The following PRDM11 variants were observed in gnomAD, a reference collection of about 807,000 sequenced individuals.
The protein encoded by PRDM11 is PR domain-containing protein 11.
Under a neutral mutation model 97.8 loss-of-function variants are expected in PRDM11, and 20 were observed. The observed-to-expected ratio is 0.20, with a 90% CI of 0.14 to 0.30. PRDM11 has a LOEUF of 0.30. Ranked by LOEUF, PRDM11 falls within the 10% of genes least tolerant of loss-of-function variation. The pLI, the probability that PRDM11 is intolerant of heterozygous loss-of-function variation, is 1.00. For missense variants in PRDM11, 1,139 were observed against 1,555.2 expected, an observed-to-expected ratio of 0.73 and a Z score of 4.50; for synonymous variants, 599 against 637.7, an observed-to-expected ratio of 0.94 and a Z score of 0.91.
chr11:45,103,915 T>C (rs1030558811), intron 1 of PRDM11, among the ~76,000 whole-genome samples: 2 of 152,064 alleles, frequency 1.3e-5, no homozygotes, highest in African/African-American at 4.8e-5. Context: ...TCAGGATGCA[T>C]TGAGGGCGAT....
At chr11:45,101,479 C>G (rs1364953597) in intron 1 of PRDM11, among the ~76,000 whole-genome samples, 1 of 151,208 alleles carries the variant, frequency 6.6e-6, no homozygotes, top group African/African-American at 2.4e-5. Context: ...TTGCTTGAAC[C>G]CAGGAGGCTG....
intron 5 of PRDM11, among the ~76,000 whole-genome samples, chr11:45,206,226 C>G (rs1853505015): frequency 6.6e-6 from 1 of 152,184 alleles, no homozygotes; most frequent in Non-Finnish European, 1.5e-5. Flanking sequence ...GCTGGCCCTT[C>G]CCGGGCTCAC....
Position 45,224,838 on chromosome 11 carries a change from C to G in PRDM11, c.1364C>G (p.Pro455Arg). 6.2e-7 allele frequency: 1 copy of G among 1,613,810 alleles called. No individual in the cohort carries two copies. Among genetic ancestry groups the G allele is most frequent in the Non-Finnish European group, 8.5e-7 (1 of 1,180,028 alleles). ...QVLELPEFSD[P>R]AASESMVSGP... ...CTGGAGCTCCCAGAGTTCTCGGACC[C>G]TGCAGGTAAGTTGGTTTGGATGAGA... is the stretch of plus-strand genomic sequence containing the variant. The change falls in exon 7 of 8, where the codon CCT (proline) becomes CGT (arginine). Residue 455 changes from proline (P) to arginine (R), a missense_variant. Around this residue, in one of 2 missense-constraint regions of PRDM11, gnomAD observed 710 missense variants for 1,044.9 expected, o/e 0.68. Transcript: ENST00000683152.
chr11:45,189,877 G>A (rs1852847514), intron 4 of PRDM11, among the ~76,000 whole-genome samples: 1 of 152,080 alleles, frequency 6.6e-6, no homozygotes, highest in African/African-American at 2.4e-5. Flanking sequence ...AGGAGTAACA[G>A]GTTTGTTCGA....
intron 1 of PRDM11, among the ~76,000 whole-genome samples, chr11:45,167,231 T>A (rs1852085257): frequency 6.6e-6 from 1 of 152,242 alleles, no homozygotes; most frequent in African/African-American, 2.4e-5. Context: ...CTTACATGTA[T>A]GAGCCTTTCC....
chr11:45,180,931 G>A (rs1380484881), intron 1 of PRDM11, among the ~76,000 whole-genome samples: 27 of 152,076 alleles, frequency 1.8e-4, no homozygotes, highest in Admixed American at 1.8e-3. Context: ...CCCAGTCGCC[G>A]CCGCCGGCTT....
intron 1 of PRDM11, among the ~76,000 whole-genome samples, chr11:45,149,988 A>C (rs1017781916): frequency 2.0e-5 from 3 of 152,218 alleles, no homozygotes; most frequent in African/African-American, 7.2e-5. Context: ...TCTTTTCGAC[A>C]TGCATATCTG....
intron 1 of PRDM11, among the ~76,000 whole-genome samples, chr11:45,180,452 C>T (rs1852444463): frequency 6.6e-6 from 1 of 151,916 alleles, no homozygotes; most frequent in Non-Finnish European, 1.5e-5. Flanking sequence ...AGCCCTGGCA[C>T]CCCCCGGGCC....
chr11:45,136,918 G>T (rs1213591542), intron 1 of PRDM11, among the ~76,000 whole-genome samples: 1 of 150,820 alleles, frequency 6.6e-6, no homozygotes, highest in Admixed American at 6.6e-5. Context: ...CGAGGCGGGT[G>T]GATCACTTGA....
intron 4 of PRDM11, among the ~76,000 whole-genome samples, chr11:45,198,016 A>G (rs1322015372): frequency 6.6e-6 from 1 of 152,068 alleles, no homozygotes; most frequent in Non-Finnish European, 1.5e-5. Context: ...AACTTAAAGT[A>G]TAATAATAAT....
At position 45,225,041 on chromosome 11, in the gene PRDM11, A is replaced by G. The variant is rs1425712707; in HGVS notation, c.1369+198A>G. On this transcript the variant is annotated intron_variant, in intron 7 of 7. Coordinates refer to ENST00000683152, the MANE Select transcript of PRDM11 (RefSeq NM_001384648.1). ...CATCGGCAGCTCTGCCAGGTGCTCC[A>G]TGTGTTGCCCTTGTATCCTCCTTGT... The G allele has an allele frequency of 2.8e-6, 4 of 1,448,370 alleles. 1 individual carries two copies. Among genetic ancestry groups the G allele is most frequent in the Non-Finnish European group, 1.8e-6 (2 of 1,109,228 alleles). The allele number at this position is 1,448,370 out of a possible 1,614,324, so 89.7% of individuals were successfully genotyped here. A position where few individuals can be genotyped will look rare whatever the true frequency, so the allele number is the denominator to read the frequency against.
At chr11:45,152,937 G>A (rs570824847) in intron 1 of PRDM11, among the ~76,000 whole-genome samples, 2 of 152,342 alleles carry the variant, frequency 1.3e-5, no homozygotes, top group East Asian at 3.9e-4. Context: ...TGAGGAGGAA[G>A]CTGACATGGT....
At chr11:45,181,154 G>T (rs1322461225) in intron 1 of PRDM11, among the ~76,000 whole-genome samples, 3 of 152,216 alleles carry the variant, frequency 2.0e-5, no homozygotes, top group Non-Finnish European at 4.4e-5. Context: ...AGCCCGGCGC[G>T]GTGGTGGAGG....
rs1854284126 is a variant in PRDM11, at chr11:45,226,739, A to G, written c.2114A>G (p.Tyr705Cys). 3 of 1,533,858 alleles carry G rather than the reference A, an allele frequency of 2.0e-6. No homozygotes were observed. Among genetic ancestry groups the G allele is most frequent in the Non-Finnish European group, 2.6e-6 (3 of 1,146,730 alleles). Residue 705 changes from tyrosine (Y) to cysteine (C), a missense_variant, in exon 8 of 8, where the codon TAT (tyrosine) becomes TGT (cysteine). Coordinates refer to ENST00000683152, the MANE Select transcript of PRDM11 (RefSeq NM_001384648.1). ...CTGGGATTCTCTAGCACAGAAAGCT[A>G]TCTCCAGGCACTTGACCGGGCCTTC... ...QELGFSSTES[Y>C]LQALDRAFSA...
intron 1 of PRDM11, among the ~76,000 whole-genome samples, chr11:45,167,924 C>T (rs936810173): frequency 1.3e-5 from 2 of 152,172 alleles, no homozygotes; most frequent in South Asian, 2.1e-4. Flanking sequence ...CTGATTTAGA[C>T]TAGTGCATCT....
At chr11:45,101,567 A>AAAAAAAAAAAGAAGAAGAAG (rs767802218) in intron 1 of PRDM11, among the ~76,000 whole-genome samples, 7 of 96,828 alleles carry the variant, frequency 7.2e-5, no homozygotes, top group Non-Finnish European at 1.5e-4. Flanking sequence ...AAAAAAAAAA[A>AAAAAAAAAAAGAAGAAGAAG]AAGAAGAAGA....
intron 1 of PRDM11, chr11:45,095,943 C>A (rs767509918): frequency 3.9e-6 from 3 of 772,604 alleles, no homozygotes; most frequent in Non-Finnish European, 7.2e-6. Flanking sequence ...CCTCAAAACG[C>A]TTGCACTTGC....
chr11:45,186,791 A>G (rs1218862338), intron 4 of PRDM11, among the ~76,000 whole-genome samples: 1 of 152,178 alleles, frequency 6.6e-6, no homozygotes, highest in Non-Finnish European at 1.5e-5. Context: ...GAAACAGTCC[A>G]TAGGGTGGGG....
Position 45,146,733 on chromosome 11 carries a change from T to C in PRDM11, c.-151T>C, listed in dbSNP as rs1851517025. The C allele has an allele frequency of 2.0e-5, 3 of 149,360 alleles. No individual in the cohort carries two copies. Among genetic ancestry groups the C allele is most frequent in the South Asian group, 4.1e-4 (2 of 4,938 alleles). The allele number at this position is 149,360 out of a possible 1,614,324, so 9.3% of individuals were successfully genotyped here. ...CCGCGCCGAGGCTGGCGCTGAAACT[T>C]TGCCTCGCCGGGGACCAGCGCGCCC... On this transcript the variant is annotated 5_prime_UTR_variant, in exon 1 of 8. Transcript: ENST00000683152.
Sources: allele counts gnomAD v4.1 joint callset (sites outside exome capture counted in the v4.1 genomes callset), GRCh38; gene constraint gnomAD v4.1.1; regional missense constraint gnomAD v4.1.1; transcripts MANE v1.5; gene names NCBI Gene and HGNC (gene_info 2026-07-23, HGNC 2026-07-21).